PDGFRL: variants seen among roughly 807,000 people sequenced by gnomAD.
PDGFRL encodes the protein platelet derived growth factor receptor like, also known as platelet-derived growth factor receptor-like protein.
PDGFRL carries 46 observed loss-of-function variants against 37.2 expected under a neutral mutation model. The ratio of observed to expected loss-of-function variants is 1.24; its 90% CI spans 0.98 to 1.58. The LOEUF (loss-of-function observed/expected upper bound fraction) is 1.58. Ranked by LOEUF, PDGFRL falls within the 40% of genes most tolerant of loss-of-function variation. PDGFRL has a pLI of 0.00. For synonymous variants in PDGFRL, 251 were observed against 184.3 expected (o/e 1.36, Z -2.93); for missense variants, 692 against 467.6 (o/e 1.48, Z -4.43).
At chr8:17,623,031 G>A (rs1041997201) in intron 3 of PDGFRL, among the ~76,000 whole-genome samples, 24 of 152,176 alleles carry the variant, frequency 1.6e-4, no homozygotes, top group Non-Finnish European at 3.4e-4. Flanking sequence ...GCTTAGGAGA[G>A]TTCTCTGCCT....
chr8:17,599,073 C>G (rs538815635), intron 2 of PDGFRL, among the ~76,000 whole-genome samples: 1 of 152,332 alleles, frequency 6.6e-6, no homozygotes, highest in East Asian at 1.9e-4. Context: ...AGCCGTTAGT[C>G]CATTGACTCT....
At chr8:17,631,223 G>A (rs1804854591) in intron 4 of PDGFRL, among the ~76,000 whole-genome samples, 1 of 152,106 alleles carries the variant, frequency 6.6e-6, no homozygotes, top group Admixed American at 6.5e-5. Context: ...TGCCAGCCTT[G>A]CAAGGGAGGA....
chr8:17,625,429 C>T (rs944481897), intron 3 of PDGFRL, among the ~76,000 whole-genome samples: 6 of 150,076 alleles, frequency 4.0e-5, no homozygotes, highest in East Asian at 2.0e-4. Flanking sequence ...GGATTACAGG[C>T]GTGAGCCACT....
intron 1 of PDGFRL, among the ~76,000 whole-genome samples, chr8:17,579,346 G>C (rs139411075): frequency 1.3e-3 from 199 of 152,138 alleles, no homozygotes; most frequent in African/African-American, 4.7e-3. Flanking sequence ...TGTGTTGTGA[G>C]TTGTGGCCAG....
At chr8:17,640,249 A>G (rs576681417) in intron 5 of PDGFRL, among the ~76,000 whole-genome samples, 5 of 152,208 alleles carry the variant, frequency 3.3e-5, no homozygotes, top group African/African-American at 1.2e-4. Flanking sequence ...GAGTAGCTTA[A>G]TAACTGACCT....
chr8:17,589,759 G>C lies in PDGFRL; in HGVS notation c.347G>C (p.Arg116Pro), dbSNP rs777180205. Reference sequence around the variant, plus strand: ...TATCTGGACACCTTTAAGGATTCTCGCCTCAGGTAAGCATTTTTTTTTAAA... The same window carrying C: ...TATCTGGACACCTTTAAGGATTCTCCCCTCAGGTAAGCATTTTTTTTTAAA... ...PAYLDTFKDS[R>P]LSVKQNERYG... The change falls in exon 2 of 6, where the codon CGC (arginine) becomes CCC (proline). Residue 116 changes from arginine to proline, a missense_variant. Physicochemically the swap from Arg to Pro is moderately radical, Grantham distance 103. Transcript: ENST00000251630. 5 of 1,589,380 alleles carry C rather than the reference G, an allele frequency of 3.1e-6. No homozygotes were observed. The highest frequency in any genetic ancestry group is 4.3e-6 in the Non-Finnish European group (5 of 1,165,324).
intron 3 of PDGFRL, among the ~76,000 whole-genome samples, chr8:17,626,780 C>T (rs1804743047): frequency 6.6e-6 from 1 of 152,198 alleles, no homozygotes; most frequent in African/African-American, 2.4e-5. Flanking sequence ...CCCCCAAAAG[C>T]CCAGTCCAGA....
chr8:17,606,919 G>T lies in PDGFRL; in HGVS notation c.354-14132G>T, dbSNP rs1223969833. On this transcript the variant is annotated intron_variant, in intron 2 of 5. Transcript: ENST00000251630. Reference sequence around the variant, plus strand: ...GTTTTTTTTTTTTTTTTTTTGAGACGGAGTCTTGCTCTGTCACCCAGGCTG... The same window carrying T: ...GTTTTTTTTTTTTTTTTTTTGAGACTGAGTCTTGCTCTGTCACCCAGGCTG... 1.6e-4 allele frequency among the ~76,000 whole-genome samples: 18 copies of T among 113,494 alleles called. No individual in the cohort carries two copies. In the East Asian group the frequency reaches 3.8e-3, roughly 24 times the overall value. The allele number at this position is 113,494 out of a possible 152,430, so 74.5% of individuals were successfully genotyped here.
At chr8:17,585,513 T>A (rs1037217943) in intron 1 of PDGFRL, among the ~76,000 whole-genome samples, 1 of 152,126 alleles carries the variant, frequency 6.6e-6, no homozygotes. Flanking sequence ...CTTGGAAAAG[T>A]GTGTGTGTTC....
intron 2 of PDGFRL, among the ~76,000 whole-genome samples, chr8:17,597,474 A>T (rs953753645): frequency 1.3e-5 from 2 of 152,218 alleles, no homozygotes; most frequent in Non-Finnish European, 2.9e-5. Context: ...AGAGCAATTA[A>T]TGAAGAAGAA....
At chr8:17,580,958 C>CGTGT (rs59628100) in intron 1 of PDGFRL, among the ~76,000 whole-genome samples, 37 of 148,660 alleles carry the variant, frequency 2.5e-4, no homozygotes, top group African/African-American at 5.6e-4. Context: ...CATTTTCATA[C>CGTGT]GTGTGTGTGT....
chr8:17,617,283 C>T (rs528171387), intron 2 of PDGFRL, among the ~76,000 whole-genome samples: 21 of 152,226 alleles, frequency 1.4e-4, no homozygotes, highest in African/African-American at 5.1e-4. Flanking sequence ...GAGCTGCTTC[C>T]TGTTAATGTG....
intron 1 of PDGFRL, among the ~76,000 whole-genome samples, chr8:17,577,768 CT>C (rs964672537): frequency 6.6e-6 from 1 of 151,600 alleles, no homozygotes; most frequent in Admixed American, 6.6e-5. Context: ...TGACCTCCCC[CT>C]CCCCTCGCAG....
At chr8:17,610,293 G>A (rs910626794) in intron 2 of PDGFRL, among the ~76,000 whole-genome samples, 1 of 152,112 alleles carries the variant, frequency 6.6e-6, no homozygotes, top group East Asian at 1.9e-4. Context: ...TACATGGTAA[G>A]ATTAGAATTG....
intron 1 of PDGFRL, among the ~76,000 whole-genome samples, chr8:17,581,441 A>G (rs1451096782): frequency 6.6e-6 from 1 of 152,082 alleles, no homozygotes; most frequent in Non-Finnish European, 1.5e-5. Flanking sequence ...AAGTACCCAT[A>G]ATTTGATTTA....
intron 2 of PDGFRL, among the ~76,000 whole-genome samples, chr8:17,610,181 G>A (rs1379671741): frequency 6.6e-6 from 1 of 152,124 alleles, no homozygotes; most frequent in Non-Finnish European, 1.5e-5. Flanking sequence ...TCATCTTCCA[G>A]GGCCGATTCT....
chr8:17,593,067 C>G (rs184518853), intron 2 of PDGFRL, among the ~76,000 whole-genome samples: 1 of 152,282 alleles, frequency 6.6e-6, no homozygotes, highest in East Asian at 1.9e-4. Context: ...TTTATTCTGA[C>G]TCTACCCTCT....
At chr8:17,590,486 C>T (rs1199096763) in intron 2 of PDGFRL, among the ~76,000 whole-genome samples, 5 of 151,946 alleles carry the variant, frequency 3.3e-5, no homozygotes, top group African/African-American at 7.2e-5. Context: ...CCAAAGCAGG[C>T]AGATCACTTG....
intron 2 of PDGFRL, among the ~76,000 whole-genome samples, chr8:17,616,529 C>T (rs920382358): frequency 6.6e-6 from 1 of 152,198 alleles, no homozygotes. Context: ...CCACAGTCTT[C>T]AGCCAACTTG....
Sources: gnomAD v4.1 joint callset for allele counts (sites outside exome capture counted in the v4.1 genomes callset) on GRCh38, gnomAD v4.1.1 for gene constraint, MANE v1.5 for transcripts, NCBI Gene and HGNC (gene_info 2026-07-23, HGNC 2026-07-21) for gene names.